Variants in ESRRB observed in about 807,000 individuals in gnomAD.
The protein encoded by ESRRB is steroid hormone receptor ERR2.
A neutral mutation model predicts 46.0 loss-of-function variants in ESRRB; 16 were observed. The observed-to-expected ratio is 0.35, with a 90% CI of 0.24 to 0.53. The LOEUF (loss-of-function observed/expected upper bound fraction) is 0.53. Among genes scored for constraint, ESRRB ranks in the 20% least tolerant of loss-of-function variants. The probability of loss-of-function intolerance (pLI) is 0.93; values close to 1 mark genes in which losing one functional copy is unlikely to be tolerated. For synonymous variants in ESRRB, 246 were observed against 259.6 expected, an observed-to-expected ratio of 0.95 and a Z score of 0.50; for missense variants, 488 against 607.4, an observed-to-expected ratio of 0.80 and a Z score of 2.07.
rs568910012 is a variant in ESRRB at position 76,488,655 on chromosome 14, A to G, written c.851-2792A>G. On this transcript the variant is annotated intron_variant, in intron 5 of 6. Transcript: ENST00000644823. ...GCCCAGTCGTGGGGGTGGGGAAGGA[A>G]CAGCTCAGTGTCTGTGCACCCTGGG... Among the ~76,000 whole-genome samples the G allele has an allele frequency of 1.1e-4, 17 of 152,250 alleles. No homozygotes were observed. The South Asian group carries it at 3.5e-3, about 32-fold the overall frequency.
At chr14:76,310,998 CT>C in intron 1 of ESRRB, 1 of 433,402 alleles carries the variant, frequency 2.3e-6, no homozygotes, top group Non-Finnish European at 4.6e-6. Context: ...CTCTCTCTCT[CT>C]CTCTCTCTCT....
chr14:76,406,919 G>A (rs1317621388), intron 1 of ESRRB, among the ~76,000 whole-genome samples: 1 of 152,210 alleles, frequency 6.6e-6, no homozygotes, highest in East Asian at 1.9e-4. Flanking sequence ...GCTCTGTCTT[G>A]ATCCGCCTCC....
At chr14:76,362,656 A>G (rs1595055032) in intron 1 of ESRRB, among the ~76,000 whole-genome samples, 1 of 152,152 alleles carries the variant, frequency 6.6e-6, no homozygotes, top group African/African-American at 2.4e-5. Flanking sequence ...ATGCTTCTTT[A>G]TTCATTTGAT....
intron 1 of ESRRB, among the ~76,000 whole-genome samples, chr14:76,401,070 A>G (rs968112987): frequency 6.6e-6 from 1 of 151,900 alleles, no homozygotes; most frequent in Non-Finnish European, 1.5e-5. Flanking sequence ...CCAGGCCACT[A>G]CTGAGCCCTA....
intron 1 of ESRRB, among the ~76,000 whole-genome samples, chr14:76,414,275 C>T (rs1886596585): frequency 7.3e-6 from 1 of 136,710 alleles, no homozygotes; most frequent in Non-Finnish European, 1.5e-5. Flanking sequence ...TCAAATAAAT[C>T]CTGGCTCCAC....
chr14:76,462,056 C>T (rs979707056), intron 2 of ESRRB, among the ~76,000 whole-genome samples: 4 of 152,200 alleles, frequency 2.6e-5, no homozygotes, highest in African/African-American at 9.6e-5. Flanking sequence ...GTGGCCTGGG[C>T]CCCTCCAGTG....
intron 1 of ESRRB, among the ~76,000 whole-genome samples, chr14:76,389,856 T>C (rs1002760229): frequency 2.6e-5 from 4 of 152,216 alleles, no homozygotes; most frequent in Non-Finnish European, 4.4e-5. Context: ...CATATCTTAG[T>C]ACATTTCACT....
At chr14:76,431,061 C>G (rs1040133674) in intron 1 of ESRRB, among the ~76,000 whole-genome samples, 1 of 152,118 alleles carries the variant, frequency 6.6e-6, no homozygotes, top group Non-Finnish European at 1.5e-5. Context: ...TTTGGAAGGC[C>G]GAGGAGGGCA....
At chr14:76,334,864 C>T (rs1173968228) in intron 1 of ESRRB, among the ~76,000 whole-genome samples, 1 of 152,238 alleles carries the variant, frequency 6.6e-6, no homozygotes, top group East Asian at 1.9e-4. Flanking sequence ...ATCTGACCAT[C>T]TCCTTAGGGT....
chr14:76,468,148 GTATTTATA>G (rs1889201805), intron 3 of ESRRB, among the ~76,000 whole-genome samples: 1 of 152,148 alleles, frequency 6.6e-6, no homozygotes, highest in Admixed American at 6.5e-5. Context: ...TAATGGCCTT[GTATTTATA>G]GAGTATTCTG....
At chr14:76,333,012 T>TTTATATA (rs1198947763) in intron 1 of ESRRB, among the ~76,000 whole-genome samples, 7 of 14,552 alleles carry the variant, frequency 4.8e-4, no homozygotes, top group Non-Finnish European at 6.6e-4. Flanking sequence ...ATATTATATA[T>TTTATATA]TTATATATTA....
chr14:76,342,906 T>C (rs998790276), intron 1 of ESRRB, among the ~76,000 whole-genome samples: 7 of 152,156 alleles, frequency 4.6e-5, no homozygotes, highest in African/African-American at 1.4e-4. Flanking sequence ...TATGTTCCAG[T>C]AGAAAAATGG....
chr14:76,336,266 T>C (rs7150681), intron 1 of ESRRB, among the ~76,000 whole-genome samples: 101,285 of 152,030 alleles, frequency 0.67, 33,840 homozygotes, highest in Middle Eastern at 0.74. Context: ...CTCCTGCACC[T>C]CTTTCATGTT....
At chr14:76,315,163 G>A (rs1489189965) in intron 1 of ESRRB, among the ~76,000 whole-genome samples, 4 of 151,994 alleles carry the variant, frequency 2.6e-5, no homozygotes, top group Admixed American at 6.6e-5. Context: ...TCAAGTCAAG[G>A]TGGCATCTAT....
chr14:76,463,445 G>GTTTTGTTTTTTTTTTTTT lies in ESRRB; in HGVS notation c.577+788_577+789insGTTTTTTTTTTTTTTTTT, dbSNP rs1555342250. On this transcript the variant is annotated intron_variant, in intron 3 of 6. Coordinates refer to ENST00000644823, the MANE Select transcript of ESRRB (RefSeq NM_001379180.1). Reference sequence around the variant, plus strand: ...TGAAATTAGCATCACATGCTTCTTTGTTTTTTTTTTTTTTTTTTGGAGACG... The same window carrying GTTTTGTTTTTTTTTTTTT: ...TGAAATTAGCATCACATGCTTCTTTGTTTTGTTTTTTTTTTTTTTTTTTTTTTTTTTTTTTTGGAGACG... The GTTTTGTTTTTTTTTTTTT allele has an allele frequency of 3.0e-4, 34 of 114,700 alleles. 1 individual carries two copies. The highest frequency in any genetic ancestry group is 1.2e-3 in the African/African-American group (33 of 27,282). The allele number at this position is 114,700 out of a possible 1,614,324, so 7.1% of individuals were successfully genotyped here.
At chr14:76,457,380 G>C (rs1047311328) in intron 2 of ESRRB, among the ~76,000 whole-genome samples, 2 of 151,944 alleles carry the variant, frequency 1.3e-5, no homozygotes, top group Admixed American at 6.6e-5. Flanking sequence ...AGACAATCTT[G>C]TCCAACCTGT....
intron 1 of ESRRB, among the ~76,000 whole-genome samples, chr14:76,397,054 A>G (rs763917848): frequency 6.6e-6 from 1 of 152,220 alleles, no homozygotes; most frequent in Non-Finnish European, 1.5e-5. Flanking sequence ...CCTGGGCTTC[A>G]TTCCATGGTG....
intron 3 of ESRRB, among the ~76,000 whole-genome samples, chr14:76,473,308 C>T (rs1889445594): frequency 6.6e-6 from 1 of 152,126 alleles, no homozygotes; most frequent in Admixed American, 6.5e-5. Context: ...CGTTAATAAA[C>T]CAGGGATGTT....
rs190938654 is a variant in ESRRB, at chr14:76,418,153, C to T, written c.51-21188C>T. On this transcript the variant is annotated intron_variant, in intron 1 of 6. Transcript: ENST00000644823. ...GTATTTTTAGTAAGACAGGGTTTCA[C>T]CATGTTTGTCAGGCTGGTCTTGAAC... 1.7e-3 allele frequency among the ~76,000 whole-genome samples: 266 copies of T among 152,080 alleles called. 1 individual carries two copies. The highest frequency in any genetic ancestry group is 6.1e-3 in the African/African-American group (255 of 41,482).
Sources: gnomAD v4.1 joint callset for allele counts (sites outside exome capture counted in the v4.1 genomes callset) on GRCh38, gnomAD v4.1.1 for gene constraint, MANE v1.5 for transcripts, NCBI Gene and HGNC (gene_info 2026-07-23, HGNC 2026-07-21) for gene names.